POLR1A: variants seen among roughly 807,000 people sequenced by gnomAD.
POLR1A encodes the protein RNA polymerase I subunit A.
Under a neutral mutation model 205.3 loss-of-function variants are expected in POLR1A, and 84 were observed. The ratio of observed to expected loss-of-function variants is 0.41; its 90% CI spans 0.34 to 0.49. The LOEUF (loss-of-function observed/expected upper bound fraction) is 0.49. Ranked by LOEUF, POLR1A falls within the 20% of genes least tolerant of loss-of-function variation. The pLI is 0.22. For synonymous variants in POLR1A, 799 were observed against 863.7 expected (o/e 0.93, Z 1.31); for missense variants, 1,645 against 2,204.5 (o/e 0.75, Z 5.08).
At chr2:86,083,350 A>T (rs1673439286) in intron 6 of POLR1A, among the ~76,000 whole-genome samples, 182 bp from the exon 7 acceptor site, 1 of 151,848 alleles carries the variant, frequency 6.6e-6, no homozygotes, top group Non-Finnish European at 1.5e-5. Flanking sequence ...AGTAATAAAA[A>T]CCATATGGCT....
At chr2:86,097,140 GAAAACACA>G (rs1450086319) in intron 3 of POLR1A, among the ~76,000 whole-genome samples, 1 of 128,624 alleles carries the variant, frequency 7.8e-6, no homozygotes. Context: ...TAGTCATTGA[GAAAACACA>G]AAAACACAAA....
chr2:86,028,041 C>T lies in POLR1A; in HGVS notation c.4906G>A (p.Val1636Ile). Residue 1636 changes from valine to isoleucine, a missense_variant, in exon 33 of 34, where the codon GTC becomes ATC. Transcript: ENST00000263857. The surrounding 1 kb of genome is among the most constrained non-coding windows in gnomAD (Gnocchi z 4.5). Reference sequence around the variant, plus strand: ...ACCAGGGAGAGATGGCGAGGGTCGACCGCGATGCCTGTCAAACGGGAGGTA... The same window carrying T: ...ACCAGGGAGAGATGGCGAGGGTCGATCGCGATGCCTGTCAAACGGGAGGTA... ...KDVFAVYGIA[V>I]DPRHLSLVAD... is the part of the protein sequence containing the mutation. 6.2e-7 allele frequency: 1 copy of T among 1,614,182 alleles called. No individual in the cohort carries two copies. Among genetic ancestry groups the T allele is most frequent in the Middle Eastern group, 1.6e-4 (1 of 6,062 alleles).
Position 86,031,312 on chromosome 2 carries a change from C to T in POLR1A, c.4578+18G>A, listed in dbSNP as rs1011180300. On this transcript the variant is annotated intron_variant, in intron 30 of 33. Transcript: ENST00000263857. Reference sequence around the variant, plus strand: ...CTGGACCAACCACCCAAGCCCTGGCCTGCACGGCCACACTGACCTGGCACC... The same window carrying T: ...CTGGACCAACCACCCAAGCCCTGGCTTGCACGGCCACACTGACCTGGCACC... 3 of 1,531,164 alleles carry T rather than the reference C, an allele frequency of 2.0e-6. No individual in the cohort carries two copies. Among genetic ancestry groups the T allele is most frequent in the African/African-American group, 1.4e-5 (1 of 72,312 alleles). 94.8% of individuals were successfully genotyped at this position (1,531,164 alleles called of 1,614,324 possible). A position where few individuals can be genotyped will look rare whatever the true frequency, so the allele number is the denominator to read the frequency against.
At chr2:86,053,034 G>C (rs544403436) in intron 15 of POLR1A, 34 bp from the exon 16 acceptor site, 3 of 1,502,704 alleles carry the variant, frequency 2.0e-6, no homozygotes, top group Admixed American at 2.0e-5. Context: ...GCCGGGCTGC[G>C]GGTGATGCCT....
chr2:86,078,383 G>A, intron 9 of POLR1A, 99 bp from the exon 10 acceptor site: 2 of 868,228 alleles, frequency 2.3e-6, no homozygotes, highest in Middle Eastern at 2.3e-4. Flanking sequence ...TGACAACTAT[G>A]CACTCTGGAG....
intron 12 of POLR1A, among the ~76,000 whole-genome samples, chr2:86,074,064 A>C (rs1180076287): frequency 1.3e-5 from 2 of 152,220 alleles, no homozygotes; most frequent in East Asian, 3.9e-4. Flanking sequence ...ATACAGTAAT[A>C]CAGGCAGTGT....
At chr2:86,097,788 T>C (rs1220777752) in intron 3 of POLR1A, among the ~76,000 whole-genome samples, 2 of 152,092 alleles carry the variant, frequency 1.3e-5, no homozygotes, top group Admixed American at 6.6e-5. Context: ...GGAGATAAAA[T>C]TACAATTAGA....
At chr2:86,091,739 T>C (rs977414325) in intron 3 of POLR1A, among the ~76,000 whole-genome samples, 1 of 152,150 alleles carries the variant, frequency 6.6e-6, no homozygotes, top group Non-Finnish European at 1.5e-5. Context: ...GAAAATCCTT[T>C]CTTTCTCTCT....
Position 86,081,621 on chromosome 2 carries a change from G to C in POLR1A, c.903C>G (p.Phe301Leu). Residue 301 changes from phenylalanine (F) to leucine (L), a missense_variant, in exon 8 of 34, where the codon TTC becomes TTG. Phe to Leu is a conservative substitution (Grantham distance 22). This residue lies in a region of POLR1A where 330 missense variants were observed against 375.6 expected (regional missense o/e 0.88). Coordinates refer to ENST00000263857, the MANE Select transcript of POLR1A (RefSeq NM_015425.6). ...RFNPSVFFLD[F>L]LVVPPSRYRP... ...ATTACCTTGAGGGCGGCACCACCAA[G>C]AAATCTAGAAAGAACACACTGGGAT... The C allele has an allele frequency of 6.2e-7, 1 of 1,604,922 alleles. No individual in the cohort carries two copies. The highest frequency in any genetic ancestry group is 8.5e-7 in the Non-Finnish European group (1 of 1,175,622).
chr2:86,048,108 G>A (rs1672739211), intron 18 of POLR1A, among the ~76,000 whole-genome samples: 1 of 152,192 alleles, frequency 6.6e-6, no homozygotes, highest in Admixed American at 6.5e-5. Context: ...GATGCTAAAA[G>A]CCAGGCAAGA....
intron 14 of POLR1A, among the ~76,000 whole-genome samples, chr2:86,060,243 C>T (rs1290064148): frequency 1.3e-5 from 2 of 152,158 alleles, no homozygotes; most frequent in Non-Finnish European, 2.9e-5. Context: ...AAGTGACCTA[C>T]AGAGGCAATG....
rs1208110756 is a variant in POLR1A, at chr2:86,035,780, G to A, written c.4035-1993C>T. ...CCTTCAAGGCCAGGCCTCAGCAGCT[G>A]TAACTCCTCCAAGAAGCCCTCCCTG... On this transcript the variant is annotated intron_variant, in intron 27 of 33. Coordinates refer to ENST00000263857, the MANE Select transcript of POLR1A (RefSeq NM_015425.6). Among the ~76,000 whole-genome samples the A allele has an allele frequency of 3.3e-5, 5 of 152,218 alleles. 1 individual carries two copies. Among genetic ancestry groups the A allele is most frequent in the African/African-American group, 1.2e-4 (5 of 41,458 alleles).
In POLR1A at chr2:86,038,701, T is replaced by C. The variant is rs752500093; in HGVS notation, c.4033A>G (p.Arg1345Gly). 16 of 1,613,250 alleles carry C rather than the reference T, an allele frequency of 9.9e-6. No homozygotes were observed. The highest frequency in any genetic ancestry group is 1.4e-5 in the Non-Finnish European group (16 of 1,179,968). The change falls in exon 27 of 34, where the codon AGA becomes GGA. Residue 1345 changes from arginine (R) to glycine (G), a missense_variant and splice_region_variant. Physicochemically the swap from Arg to Gly is moderately radical, Grantham distance 125. This residue lies in a region of POLR1A where 394 missense variants were observed against 468.5 expected (regional missense o/e 0.84). Coordinates refer to ENST00000263857, the MANE Select transcript of POLR1A (RefSeq NM_015425.6). The stretch of plus-strand genomic sequence containing the variant: ...GACAATCACAGCCTGAGCCCTGACC[T>C]TGTTTCCATGAAGCGCAGGATGTCC... Reference protein sequence around the residue: ...PEDILRFMETRFFKLLMESIK... With the variant: ...PEDILRFMETGFFKLLMESIK...
In POLR1A at chr2:86,031,556, G is replaced by A. The variant is rs772936701; in HGVS notation, c.4352C>T (p.Pro1451Leu). The A allele has an allele frequency of 1.2e-6, 2 of 1,614,100 alleles. No homozygotes were observed. The highest frequency in any genetic ancestry group is 1.7e-6 in the Non-Finnish European group (2 of 1,179,986). ...DDEDMQEERN[P>L]HREGARKTQE... ...GGTCTTTCGAGCACCTTCCCTGTGGGGATTTCGTTCCTCCTGCATGTCTTC... is the reference window on the plus strand; with the variant it reads ...GGTCTTTCGAGCACCTTCCCTGTGGAGATTTCGTTCCTCCTGCATGTCTTC... The change falls in exon 30 of 34, where the codon CCC (proline) becomes CTC (leucine). Residue 1451 changes from proline (P) to leucine (L), a missense_variant. Pro to Leu is a moderately conservative substitution (Grantham distance 98). This residue lies in a region of POLR1A where 394 missense variants were observed against 468.5 expected (regional missense o/e 0.84). Coordinates refer to ENST00000263857, the MANE Select transcript of POLR1A (RefSeq NM_015425.6).
intron 13 of POLR1A, among the ~76,000 whole-genome samples, chr2:86,067,639 T>C (rs1463898714): frequency 6.6e-6 from 1 of 151,674 alleles, no homozygotes; most frequent in African/African-American, 2.4e-5. Context: ...AGAGAAGAAA[T>C]TGAATTATAA....
At chr2:86,036,845 G>A (rs1447853248) in intron 27 of POLR1A, 1 of 152,234 alleles carries the variant, frequency 6.6e-6, no homozygotes, top group Non-Finnish European at 1.5e-5. Flanking sequence ...AGTACTTCAC[G>A]GCTGGGAACA....
Position 86,027,256 on chromosome 2 carries a change from C to T in POLR1A, c.*167G>A. ...TGTCACTTTCCAGGTGAAGCTGGCC[C>T]AGCTCAGAGGCCCACTGCTTTCAGG... On this transcript the variant is annotated 3_prime_UTR_variant, in exon 34 of 34. Transcript: ENST00000263857. 1 of 625,626 alleles carries T rather than the reference C, an allele frequency of 1.6e-6. No homozygotes were observed. Among genetic ancestry groups the T allele is most frequent in the Non-Finnish European group, 2.9e-6 (1 of 348,896 alleles). The allele number at this position is 625,626 out of a possible 1,614,324, so 38.8% of individuals were successfully genotyped here. A position where few individuals can be genotyped will look rare whatever the true frequency, so the allele number is the denominator to read the frequency against.
Position 86,040,548 on chromosome 2 carries a change from A to T in POLR1A, c.3584T>A (p.Leu1195Ter). 6.3e-7 allele frequency: 1 copy of T among 1,583,630 alleles called. No individual in the cohort carries two copies. The highest frequency in any genetic ancestry group is 8.6e-7 in the Non-Finnish European group (1 of 1,163,892). The change falls in exon 25 of 34, where the codon TTG (leucine) becomes TAG (stop). Residue 1195 changes from leucine (L) to a stop codon, truncating the protein, a stop_gained. Transcript: ENST00000263857. LOFTEE classifies it high-confidence loss of function. ...TGAGCGCTGCCACTTCAGCTGCAGCAAGGTCCTCAACCTAGAGACGGTGGT... is the reference window on the plus strand; with the variant it reads ...TGAGCGCTGCCACTTCAGCTGCAGCTAGGTCCTCAACCTAGAGACGGTGGT... ...SELSLDRLRTLLQLKWQRSLC... is the reference protein window; with the variant it reads ...SELSLDRLRT
intron 12 of POLR1A, among the ~76,000 whole-genome samples, chr2:86,074,380 C>T (rs1322389173): frequency 6.6e-6 from 1 of 152,174 alleles, no homozygotes; most frequent in African/African-American, 2.4e-5. Context: ...GAATCCATTT[C>T]CCTCCAACAA....
Sources: gnomAD v4.1 joint callset for allele counts (sites outside exome capture counted in the v4.1 genomes callset) on GRCh38, gnomAD v4.1.1 for gene constraint, gnomAD v4.1.1 regional missense constraint, Gnocchi (gnomAD v3.1) non-coding constraint, MANE v1.5 for transcripts, NCBI Gene and HGNC (gene_info 2026-07-23, HGNC 2026-07-21) for gene names.